ANKS1B: variants seen among roughly 807,000 people sequenced by gnomAD.
The protein encoded by ANKS1B is ankyrin repeat and sterile alpha motif domain-containing protein 1B.
In ANKS1B, 36 loss-of-function variants were observed where a neutral mutation model predicts 148.3. The ratio of observed to expected loss-of-function variants is 0.24; its 90% CI spans 0.19 to 0.32. The LOEUF (loss-of-function observed/expected upper bound fraction) is 0.32. ANKS1B is among the 10% of genes least tolerant of loss of function. ANKS1B has a pLI of 1.00. For synonymous variants in ANKS1B, 542 were observed against 560.8 expected (o/e 0.97, Z 0.47); for missense variants, 1,157 against 1,542.6 (o/e 0.75, Z 4.19).
At chr12:99,641,213 A>G (rs2098300695) in intron 9 of ANKS1B, among the ~76,000 whole-genome samples, 1 of 152,228 alleles carries the variant, frequency 6.6e-6, no homozygotes, top group Non-Finnish European at 1.5e-5. Flanking sequence ...TGTATTGTAA[A>G]TAATTTATAG....
intron 12 of ANKS1B, among the ~76,000 whole-genome samples, chr12:99,388,667 T>A (rs1422607167): frequency 6.6e-6 from 1 of 152,204 alleles, no homozygotes; most frequent in Non-Finnish European, 1.5e-5. Context: ...CTGGGCCCTC[T>A]GCTCAGGGTC....
intron 9 of ANKS1B, among the ~76,000 whole-genome samples, chr12:99,641,157 A>G (rs546824212): frequency 6.6e-6 from 1 of 152,348 alleles, no homozygotes; most frequent in South Asian, 2.1e-4. Context: ...TGACAGAGTG[A>G]TGTCTCTGAA....
chr12:98,879,151 G>A (rs928558091), intron 17 of ANKS1B, among the ~76,000 whole-genome samples: 8 of 152,186 alleles, frequency 5.3e-5, no homozygotes, highest in Admixed American at 2.0e-4. Flanking sequence ...CCTAACTTTG[G>A]TGATGTATTG....
chr12:99,974,806 T>G (rs1249928973), intron 1 of ANKS1B, among the ~76,000 whole-genome samples: 1 of 151,994 alleles, frequency 6.6e-6, no homozygotes, highest in Non-Finnish European at 1.5e-5. Context: ...CCTCCTACCT[T>G]GGCCTCCCAA....
intron 1 of ANKS1B, among the ~76,000 whole-genome samples, chr12:99,913,816 T>C (rs1383164755): frequency 6.6e-6 from 1 of 151,994 alleles, no homozygotes; most frequent in Non-Finnish European, 1.5e-5. Context: ...GTGGATAGAT[T>C]TCATACTGTT....
intron 12 of ANKS1B, among the ~76,000 whole-genome samples, chr12:99,395,975 A>G (rs2094229841): frequency 6.6e-6 from 1 of 152,188 alleles, no homozygotes; most frequent in East Asian, 1.9e-4. Context: ...ATCTCGGCAT[A>G]AGCTTGGTCA....
intron 1 of ANKS1B, among the ~76,000 whole-genome samples, chr12:99,930,599 TC>T (rs1318064468): frequency 6.6e-6 from 1 of 152,054 alleles, no homozygotes; most frequent in East Asian, 1.9e-4. Context: ...GAATGCTTCA[TC>T]ATCACTGGCC....
chr12:99,213,049 A>C (rs1362295863), intron 14 of ANKS1B, among the ~76,000 whole-genome samples: 1 of 152,080 alleles, frequency 6.6e-6, no homozygotes, highest in Non-Finnish European at 1.5e-5. Flanking sequence ...ACCATCCCAC[A>C]TTCCTTCTTT....
At chr12:99,467,827 G>A (rs1362167805) in intron 10 of ANKS1B, among the ~76,000 whole-genome samples, 1 of 152,124 alleles carries the variant, frequency 6.6e-6, no homozygotes, top group Non-Finnish European at 1.5e-5. Context: ...ATGCTCATGG[G>A]TAGGAAGAAT....
At chr12:98,916,520 C>G (rs970932607) in intron 17 of ANKS1B, among the ~76,000 whole-genome samples, 2 of 152,192 alleles carry the variant, frequency 1.3e-5, no homozygotes, top group African/African-American at 4.8e-5. Context: ...CATGTTAAGA[C>G]AGTTAACAGA....
chr12:99,495,357 G>GTGTA (rs1410280145), intron 10 of ANKS1B, among the ~76,000 whole-genome samples: 1 of 151,742 alleles, frequency 6.6e-6, no homozygotes, highest in African/African-American at 2.4e-5. Context: ...GTGTGTGTGT[G>GTGTA]TGTGTGTGTG....
intron 12 of ANKS1B, among the ~76,000 whole-genome samples, chr12:99,322,448 A>T (rs1271907977): frequency 1.3e-5 from 2 of 150,390 alleles, no homozygotes; most frequent in Non-Finnish European, 1.5e-5. Flanking sequence ...AAACCTGCAC[A>T]CTCTGTATAT....
At chr12:98,812,605 GCT>G (rs965826168) in intron 19 of ANKS1B, among the ~76,000 whole-genome samples, 3 of 152,132 alleles carry the variant, frequency 2.0e-5, no homozygotes, top group Non-Finnish European at 4.4e-5. Flanking sequence ...CAGAACCTTT[GCT>G]CTGTTGCCCA....
chr12:99,054,859 A>G (rs1436616923), intron 16 of ANKS1B, among the ~76,000 whole-genome samples: 1 of 152,194 alleles, frequency 6.6e-6, no homozygotes, highest in Non-Finnish European at 1.5e-5. Flanking sequence ...AATGTTCTCT[A>G]TTTTAAAGTT....
intron 8 of ANKS1B, among the ~76,000 whole-genome samples, chr12:99,669,434 A>C (rs1599277381): frequency 6.6e-6 from 1 of 150,982 alleles, no homozygotes. Flanking sequence ...GCTTGCTTTT[A>C]CTTTTTTTTT....
chr12:99,930,089 C>T (rs548773834), intron 1 of ANKS1B, among the ~76,000 whole-genome samples: 7 of 151,738 alleles, frequency 4.6e-5, no homozygotes, highest in African/African-American at 1.5e-4. Context: ...TACCTGGGGC[C>T]GTATGGCCAT....
intron 1 of ANKS1B, among the ~76,000 whole-genome samples, chr12:99,867,319 T>C (rs547051306): frequency 1.3e-5 from 2 of 152,294 alleles, no homozygotes; most frequent in Middle Eastern, 6.8e-3. Context: ...AGACAACTTT[T>C]TGTACTAGAC....
intron 1 of ANKS1B, among the ~76,000 whole-genome samples, chr12:99,919,304 T>C (rs2094275130): frequency 6.6e-6 from 1 of 152,114 alleles, no homozygotes; most frequent in Non-Finnish European, 1.5e-5. Flanking sequence ...ATATAGAATG[T>C]GGAAGAAAAA....
chr12:99,868,699 C>T (rs2091075568), intron 1 of ANKS1B, among the ~76,000 whole-genome samples: 1 of 151,982 alleles, frequency 6.6e-6, no homozygotes, highest in South Asian at 2.1e-4. Flanking sequence ...ATATCCAACA[C>T]TTCGGAAACT....
Sources: gnomAD v4.1 joint callset for allele counts (sites outside exome capture counted in the v4.1 genomes callset) on GRCh38, gnomAD v4.1.1 for gene constraint, MANE v1.5 for transcripts, NCBI Gene and HGNC (gene_info 2026-07-23, HGNC 2026-07-21) for gene names.